Variants in LRRTM4 observed in about 807,000 individuals in gnomAD.
LRRTM4 encodes the protein leucine rich repeat transmembrane neuronal 4.
A neutral mutation model predicts 47.6 loss-of-function variants in LRRTM4; 25 were observed. The ratio of observed to expected loss-of-function variants is 0.53; its 90% CI spans 0.38 to 0.73. The LOEUF (loss-of-function observed/expected upper bound fraction) is 0.73, where lower values mean the gene tolerates loss of function less well. Ranked by LOEUF, LRRTM4 falls within the 30% of genes least tolerant of loss-of-function variation. The pLI is 0.00. For synonymous variants in LRRTM4, 311 were observed against 269.5 expected, an observed-to-expected ratio of 1.15 and a Z score of -1.51; for missense variants, 638 against 713.4, an observed-to-expected ratio of 0.89 and a Z score of 1.20.
chr2:77,194,315 T>C (rs1673756606), intron 3 of LRRTM4, among the ~76,000 whole-genome samples: 1 of 152,160 alleles, frequency 6.6e-6, no homozygotes, highest in Non-Finnish European at 1.5e-5. Context: ...AAAAGTCCAT[T>C]TGATTTAGGC....
chr2:77,219,961 G>A (rs1330258097), intron 3 of LRRTM4, among the ~76,000 whole-genome samples: 2 of 152,182 alleles, frequency 1.3e-5, no homozygotes, highest in South Asian at 2.1e-4. Flanking sequence ...CCCCCCAGTA[G>A]GGGTGGACTG....
intron 3 of LRRTM4, among the ~76,000 whole-genome samples, chr2:77,230,286 A>G (rs921186754): frequency 9.2e-5 from 14 of 152,178 alleles, no homozygotes; most frequent in African/African-American, 1.9e-4. Context: ...TTTAATCCAT[A>G]TAGGTATGAG....
chr2:76,917,699 A>G (rs76366689), intron 3 of LRRTM4, among the ~76,000 whole-genome samples: 10,023 of 152,230 alleles, frequency 0.066, 712 homozygotes, highest in African/African-American at 0.17. Flanking sequence ...AAGTAGAGGA[A>G]AAAGAAGAAA....
chr2:77,458,024 G>C (rs1029010897), intron 3 of LRRTM4, among the ~76,000 whole-genome samples: 2 of 152,146 alleles, frequency 1.3e-5, no homozygotes, highest in Non-Finnish European at 2.9e-5. Context: ...ATCCAGGTGA[G>C]AGAAATGCCA....
At chr2:77,400,207 C>T (rs1343765300) in intron 3 of LRRTM4, among the ~76,000 whole-genome samples, 7 of 151,398 alleles carry the variant, frequency 4.6e-5, no homozygotes, top group Admixed American at 6.6e-5. Flanking sequence ...AACATGATAC[C>T]GTATTCTTTT....
At chr2:77,512,306 G>A (rs2104106502) in intron 3 of LRRTM4, among the ~76,000 whole-genome samples, 1 of 152,090 alleles carries the variant, frequency 6.6e-6, no homozygotes, top group South Asian at 2.1e-4. Context: ...GAAATACTGT[G>A]CTTTTTTTCT....
chr2:77,368,172 A>G (rs1672528703), intron 3 of LRRTM4, among the ~76,000 whole-genome samples: 1 of 151,642 alleles, frequency 6.6e-6, no homozygotes, highest in Non-Finnish European at 1.5e-5. Context: ...TCTCTCATCC[A>G]GGAACAGGTG....
At chr2:76,991,307 G>C (rs1377342110) in intron 3 of LRRTM4, among the ~76,000 whole-genome samples, 2 of 151,582 alleles carry the variant, frequency 1.3e-5, no homozygotes, top group African/African-American at 4.8e-5. Context: ...GAGTGTAACT[G>C]AATGAAATTG....
chr2:77,036,358 T>G (rs911185035), intron 3 of LRRTM4, among the ~76,000 whole-genome samples: 2 of 151,780 alleles, frequency 1.3e-5, no homozygotes, highest in African/African-American at 4.8e-5. Context: ...TAGTTTAGGG[T>G]ATTTCTTCCC....
intron 3 of LRRTM4, among the ~76,000 whole-genome samples, chr2:77,156,832 A>G (rs538534566): frequency 6.6e-6 from 1 of 151,800 alleles, no homozygotes; most frequent in South Asian, 2.1e-4. Flanking sequence ...TCCGCCTCCC[A>G]AAGTGATGGG....
intron 3 of LRRTM4, among the ~76,000 whole-genome samples, chr2:77,031,805 A>G (rs1312574843): frequency 6.6e-6 from 1 of 152,150 alleles, no homozygotes; most frequent in Non-Finnish European, 1.5e-5. Context: ...AATATAGTGA[A>G]TTATACTTAT....
intron 3 of LRRTM4, among the ~76,000 whole-genome samples, chr2:76,810,021 C>T (rs1287116784): frequency 6.6e-6 from 1 of 152,158 alleles, no homozygotes; most frequent in Non-Finnish European, 1.5e-5. Flanking sequence ...TTCTTCATAG[C>T]ATGTATCACC....
chr2:76,895,858 A>G (rs1479337761), intron 3 of LRRTM4, among the ~76,000 whole-genome samples: 1 of 152,044 alleles, frequency 6.6e-6, no homozygotes, highest in Non-Finnish European at 1.5e-5. Context: ...TGACAACTGA[A>G]TTAATCTTCT....
At chr2:77,062,617 G>C (rs936602736) in intron 3 of LRRTM4, among the ~76,000 whole-genome samples, 3 of 152,100 alleles carry the variant, frequency 2.0e-5, no homozygotes, top group Non-Finnish European at 4.4e-5. Flanking sequence ...TAAAACCCTA[G>C]AATAGAGGAG....
intron 3 of LRRTM4, among the ~76,000 whole-genome samples, chr2:77,331,962 T>G (rs1670986761): frequency 1.3e-5 from 2 of 152,160 alleles, no homozygotes; most frequent in African/African-American, 4.8e-5. Flanking sequence ...ACTGAAGAAC[T>G]TATAGAACAG....
At chr2:77,161,868 C>T (rs1214392232) in intron 3 of LRRTM4, among the ~76,000 whole-genome samples, 1 of 152,006 alleles carries the variant, frequency 6.6e-6, no homozygotes, top group Non-Finnish European at 1.5e-5. Context: ...AATTAATTGT[C>T]TAGTGCAATT....
chr2:76,889,729 T>G (rs1239651838), intron 3 of LRRTM4, among the ~76,000 whole-genome samples: 1 of 151,984 alleles, frequency 6.6e-6, no homozygotes, highest in Non-Finnish European at 1.5e-5. Context: ...GATGCTTAAA[T>G]AATATAGCAG....
chr2:77,251,164 T>A (rs191702288), intron 3 of LRRTM4, among the ~76,000 whole-genome samples: 161 of 37,018 alleles, frequency 4.3e-3, no homozygotes, highest in Admixed American at 0.01. Flanking sequence ...TATATACATA[T>A]ATATGTGTGT....
At chr2:77,026,905 G>A (rs1460582431) in intron 3 of LRRTM4, among the ~76,000 whole-genome samples, 1 of 152,038 alleles carries the variant, frequency 6.6e-6, no homozygotes, top group East Asian at 1.9e-4. Context: ...GATGTTCCAG[G>A]AAATGTTATT....
Sources: gnomAD v4.1 joint callset for allele counts (sites outside exome capture counted in the v4.1 genomes callset) on GRCh38, gnomAD v4.1.1 for gene constraint, MANE v1.5 for transcripts, NCBI Gene and HGNC (gene_info 2026-07-23, HGNC 2026-07-21) for gene names.